The following NEGR1 variants were observed in gnomAD, a reference collection of about 807,000 sequenced individuals.
The protein encoded by NEGR1 is IgLON family member 4.
NEGR1 carries 10 observed loss-of-function variants against 40.9 expected under a neutral mutation model. The ratio of observed to expected loss-of-function variants is 0.24; its 90% CI spans 0.15 to 0.42. The LOEUF is 0.42. Among genes scored for constraint, NEGR1 ranks in the 10% least tolerant of loss-of-function variants. The pLI, the probability that NEGR1 is intolerant of heterozygous loss-of-function variation, is 1.00. For synonymous variants in NEGR1, 185 were observed against 166.8 expected (o/e 1.11, Z -0.84); for missense variants, 352 against 438.9 (o/e 0.80, Z 1.77).
chr1:71,977,839 A>G (rs937993121), intron 1 of NEGR1, among the ~76,000 whole-genome samples: 1 of 151,478 alleles, frequency 6.6e-6, no homozygotes, highest in Non-Finnish European at 1.5e-5. Flanking sequence ...AAAAAGTAAA[A>G]GAAAGAAAAT....
At chr1:71,745,767 A>G (rs2101681311) in intron 3 of NEGR1, among the ~76,000 whole-genome samples, 1 of 152,350 alleles carries the variant, frequency 6.6e-6, no homozygotes, top group African/African-American at 2.4e-5. Flanking sequence ...TGGGCGACAG[A>G]GCAAGACTAT....
At chr1:72,036,804 C>G (rs749592482) in intron 1 of NEGR1, among the ~76,000 whole-genome samples, 1 of 151,770 alleles carries the variant, frequency 6.6e-6, no homozygotes, top group Non-Finnish European at 1.5e-5. Context: ...AAAAAGGACA[C>G]TGTAAATAGG....
At chr1:72,102,749 A>T (rs1217335522) in intron 1 of NEGR1, among the ~76,000 whole-genome samples, 1 of 152,118 alleles carries the variant, frequency 6.6e-6, no homozygotes, top group Non-Finnish European at 1.5e-5. Flanking sequence ...ATACATTTAT[A>T]TTCACTTATA....
chr1:72,258,916 A>T (rs1223639224), intron 1 of NEGR1, among the ~76,000 whole-genome samples: 2 of 152,108 alleles, frequency 1.3e-5, no homozygotes, highest in African/African-American at 4.8e-5. Context: ...TCATCTTTTA[A>T]TTTATAATTC....
intron 2 of NEGR1, among the ~76,000 whole-genome samples, chr1:71,871,453 CAA>C (rs1660274862): frequency 6.6e-6 from 1 of 152,094 alleles, no homozygotes; most frequent in South Asian, 2.1e-4. Context: ...GAAAAGTAAA[CAA>C]AAGAGTCATT....
chr1:71,746,673 C>A (rs1490853299), intron 3 of NEGR1, among the ~76,000 whole-genome samples: 3 of 151,722 alleles, frequency 2.0e-5, no homozygotes, highest in Non-Finnish European at 4.4e-5. Context: ...AAAATACTCA[C>A]ACAATGTCTC....
chr1:71,959,087 A>T (rs1420821709), intron 1 of NEGR1, among the ~76,000 whole-genome samples: 2 of 152,132 alleles, frequency 1.3e-5, no homozygotes, highest in Non-Finnish European at 2.9e-5. Context: ...CACCATTATA[A>T]TCTCATTAAC....
intron 6 of NEGR1, among the ~76,000 whole-genome samples, chr1:71,483,561 T>C (rs1295428971): frequency 2.0e-5 from 3 of 151,562 alleles, no homozygotes; most frequent in African/African-American, 4.9e-5. Context: ...GATCTATCCA[T>C]ACAAAGGTAT....
intron 4 of NEGR1, among the ~76,000 whole-genome samples, chr1:71,662,404 T>C (rs1453868045): frequency 1.3e-5 from 2 of 152,296 alleles, no homozygotes; most frequent in Non-Finnish European, 2.9e-5. Context: ...CAAAAGCAGC[T>C]ATTGAGAATA....
At chr1:72,217,024 T>C (rs1415471198) in intron 1 of NEGR1, among the ~76,000 whole-genome samples, 2 of 151,656 alleles carry the variant, frequency 1.3e-5, no homozygotes, top group Non-Finnish European at 3.0e-5. Flanking sequence ...AGCCTCTTTA[T>C]CTGTAAGGTT....
At chr1:72,115,196 G>T (rs140417566) in intron 1 of NEGR1, among the ~76,000 whole-genome samples, 82 of 142,264 alleles carry the variant, frequency 5.8e-4, no homozygotes, top group African/African-American at 1.9e-3. Context: ...GTTAATTGTG[G>T]TCTTTTATAT....
At chr1:72,181,389 C>A (rs557193971) in intron 1 of NEGR1, among the ~76,000 whole-genome samples, 3 of 152,174 alleles carry the variant, frequency 2.0e-5, no homozygotes, top group South Asian at 2.1e-4. Flanking sequence ...CTTGCACTTT[C>A]TTTGTCCATG....
At position 71,765,896 on chromosome 1, in the gene NEGR1, C is replaced by T. The variant is rs565049197; in HGVS notation, c.535+10276G>A. On this transcript the variant is annotated intron_variant, in intron 3 of 6. Coordinates refer to ENST00000357731, the MANE Select transcript of NEGR1 (RefSeq NM_173808.3). ...TTGATTTAAGAAATAAGAGACCTGG[C>T]CAGGCGCGGTGGCTCACGCCTGTAA... Among the ~76,000 whole-genome samples the T allele has an allele frequency of 9.9e-4, 151 of 152,142 alleles. No homozygotes were observed. In the South Asian group the frequency reaches 0.029, roughly 30 times the overall value.
chr1:71,550,230 A>G (rs1648032448), intron 6 of NEGR1, among the ~76,000 whole-genome samples: 1 of 151,440 alleles, frequency 6.6e-6, no homozygotes, highest in Non-Finnish European at 1.5e-5. Flanking sequence ...ATCTATGATC[A>G]TTTCATTCTC....
At chr1:71,738,111 T>A (rs995850900) in intron 3 of NEGR1, 1 of 153,148 alleles carries the variant, frequency 6.5e-6, no homozygotes, top group African/African-American at 2.4e-5. Context: ...CTAAAAAACC[T>A]GTTCACTTCA....
intron 6 of NEGR1, chr1:71,489,933 C>T (rs920914411): frequency 6.6e-6 from 1 of 151,872 alleles, no homozygotes; most frequent in African/African-American, 2.4e-5. Flanking sequence ...AGTCCTTCCC[C>T]CGCTCACCCC....
At chr1:71,697,917 T>C in intron 4 of NEGR1, 91 bp downstream of exon 4, 1 of 1,311,980 alleles carries the variant, frequency 7.6e-7, no homozygotes, top group Non-Finnish European at 1.1e-6. Flanking sequence ...AGACAACCTC[T>C]TAAAAACAGC....
chr1:71,926,104 G>T (rs1645769862), intron 2 of NEGR1, among the ~76,000 whole-genome samples: 2 of 152,054 alleles, frequency 1.3e-5, no homozygotes, highest in African/African-American at 4.8e-5. Context: ...CTGTGCTTCA[G>T]GAATTGTAAG....
intron 1 of NEGR1, among the ~76,000 whole-genome samples, chr1:72,099,298 C>T (rs566418555): frequency 6.6e-6 from 1 of 151,910 alleles, no homozygotes; most frequent in Non-Finnish European, 1.5e-5. Flanking sequence ...AATACAATTG[C>T]TTTTCCTATC....
Sources: gnomAD v4.1 joint callset for allele counts (sites outside exome capture counted in the v4.1 genomes callset) on GRCh38, gnomAD v4.1.1 for gene constraint, MANE v1.5 for transcripts, NCBI Gene and HGNC (gene_info 2026-07-23, HGNC 2026-07-21) for gene names.